Variants in UNC93A observed in about 807,000 individuals in gnomAD.
UNC93A encodes the protein unc-93 homolog A, also known as N-acetylglucosamine transporter UNC93A.
In UNC93A, 43 loss-of-function variants were observed where a neutral mutation model predicts 47.5. The observed-to-expected ratio is 0.91, with a 90% CI of 0.71 to 1.17. UNC93A has a LOEUF of 1.17. Among genes scored for constraint, UNC93A ranks in the 50% most tolerant of loss-of-function variants. The pLI is 0.00. For missense variants in UNC93A, 605 were observed against 577.6 expected, an observed-to-expected ratio of 1.05 and a Z score of -0.49; for synonymous variants, 280 against 258.0, an observed-to-expected ratio of 1.09 and a Z score of -0.82.
In UNC93A at chr6:167,315,329, C is replaced by T. The variant is rs539006420; in HGVS notation, c.1251C>T (p.Val417=). 33 of 1,613,908 alleles carry T rather than the reference C, an allele frequency of 2.0e-5. No individual in the cohort carries two copies. The South Asian group carries it at 3.1e-4, about 15-fold the overall frequency. Residue 417 remains valine, a synonymous_variant, in exon 8 of 8, where the codon GTC becomes GTT. Coordinates refer to ENST00000230256, the MANE Select transcript of UNC93A (RefSeq NM_018974.4). Reference sequence around the variant, plus strand: ...TCAAGCTCTACATTCTGCTGGGGGTCCTGAGCCTGACCATGGTGGCGTATG... The same window carrying T: ...TCAAGCTCTACATTCTGCTGGGGGTTCTGAGCCTGACCATGGTGGCGTATG... The part of the protein sequence containing the change: ...VHVKLYILLG[V]LSLTMVAYGL...
chr6:167,306,578 A>G (rs1211004319), intron 6 of UNC93A, among the ~76,000 whole-genome samples: 6 of 152,202 alleles, frequency 3.9e-5, no homozygotes, highest in African/African-American at 1.4e-4. Context: ...GAATGCAGGC[A>G]CTACGAAAAA....
In UNC93A at chr6:167,296,257, C is replaced by A. The variant is rs180784882; in HGVS notation, c.495C>A (p.Ser165Arg). 21 of 1,614,154 alleles carry A rather than the reference C, an allele frequency of 1.3e-5. 1 individual carries two copies. In the East Asian group the frequency reaches 4.0e-4, roughly 31 times the overall value. Residue 165 changes from serine to arginine, a missense_variant, in exon 3 of 8, where the codon AGC becomes AGA. Ser to Arg is a moderately radical substitution (Grantham distance 110). Transcript: ENST00000230256. Reference protein sequence around the residue: ...ISSLVFGQTPSQETLPEEQLT... With the variant: ...ISSLVFGQTPRQETLPEEQLT... ...CGCTGGTATTTGGCCAGACTCCCAGCCAAGGTAAAAGGAAAAGGGGCAAGC... is the reference window on the plus strand; with the variant it reads ...CGCTGGTATTTGGCCAGACTCCCAGACAAGGTAAAAGGAAAAGGGGCAAGC...
rs1262386963 is a variant in UNC93A, at chr6:167,306,035, G to A, written c.961G>A (p.Val321Met). ...GGTCTCGCAGTACACGGGCAGGGCTGTGCTGTACGTGCTGGGTAGGTATCA... is the reference window on the plus strand; with the variant it reads ...GGTCTCGCAGTACACGGGCAGGGCTATGCTGTACGTGCTGGGTAGGTATCA... ...GKVSQYTGRA[V>M]LYVLGAVTHV... Residue 321 changes from valine to methionine, a missense_variant, in exon 6 of 8, where the codon GTG becomes ATG. Coordinates refer to ENST00000230256, the MANE Select transcript of UNC93A (RefSeq NM_018974.4). 1 of 1,614,198 alleles carries A rather than the reference G, an allele frequency of 6.2e-7. No homozygotes were observed. The highest frequency in any genetic ancestry group is 2.2e-5 in the East Asian group (1 of 44,884).
rs745440894 is a variant in UNC93A, at chr6:167,315,171, G to A, written c.1109-16G>A. 8 of 1,612,874 alleles carry A rather than the reference G, an allele frequency of 5.0e-6. No individual in the cohort carries two copies. The highest frequency in any genetic ancestry group is 4.0e-5 in the African/African-American group (3 of 74,882). Reference sequence around the variant, plus strand: ...GGGCCCATGGCAGAGCTCTCACTCCGCTCTCTCCTCTGCAGCTCTCTACGG... The same window carrying A: ...GGGCCCATGGCAGAGCTCTCACTCCACTCTCTCCTCTGCAGCTCTCTACGG... On this transcript the variant is annotated splice_polypyrimidine_tract_variant and intron_variant, in intron 7 of 7. Coordinates refer to ENST00000230256, the MANE Select transcript of UNC93A (RefSeq NM_018974.4).
At chr6:167,295,605 C>A (rs1778052759) in intron 2 of UNC93A, among the ~76,000 whole-genome samples, 1 of 108,504 alleles carries the variant, frequency 9.2e-6, no homozygotes. Flanking sequence ...TCGCCTCCCT[C>A]GTGCTCCTCG....
chr6:167,278,148 A>G (rs537577884), intron 1 of UNC93A, among the ~76,000 whole-genome samples: 1 of 152,340 alleles, frequency 6.6e-6, no homozygotes, highest in Non-Finnish European at 1.5e-5. Context: ...GGCTACCACA[A>G]AGGAAAAAGG....
chr6:167,280,587 AG>A, intron 1 of UNC93A, among the ~76,000 whole-genome samples: 3 of 152,154 alleles, frequency 2.0e-5, no homozygotes, highest in African/African-American at 7.2e-5. Flanking sequence ...TTAGAGAGTC[AG>A]ACAGAGAGCC....
intron 5 of UNC93A, 58 bp downstream of exon 5, chr6:167,304,191 T>A: frequency 6.3e-7 from 1 of 1,589,412 alleles, no homozygotes; most frequent in Non-Finnish European, 8.6e-7. Context: ...CTGCCTTGCC[T>A]GTGTCTGTAC....
chr6:167,309,524 AC>A (rs1778498140), intron 7 of UNC93A, among the ~76,000 whole-genome samples: 1 of 151,938 alleles, frequency 6.6e-6, no homozygotes, highest in Non-Finnish European at 1.5e-5. Flanking sequence ...CTCACATGAG[AC>A]CCTCTTCCCT....
At chr6:167,280,103 T>C (rs1831493) in intron 1 of UNC93A, among the ~76,000 whole-genome samples, 29,680 of 152,156 alleles carry the variant, frequency 0.2, 2,982 homozygotes, top group African/African-American at 0.21. Flanking sequence ...TATTGATAAG[T>C]ATTAGTTTGA....
chr6:167,295,312 C>G (rs1778027920), intron 2 of UNC93A, among the ~76,000 whole-genome samples: 1 of 152,242 alleles, frequency 6.6e-6, no homozygotes, highest in African/African-American at 2.4e-5. Flanking sequence ...GCTGCAGAGT[C>G]TTACATGGCA....
rs1196603340 is a variant in UNC93A, at chr6:167,296,393, G to C, written c.499+132G>C. 3 of 945,848 alleles carry C rather than the reference G, an allele frequency of 3.2e-6. No individual in the cohort carries two copies. In the East Asian group the frequency reaches 7.6e-5, roughly 24 times the overall value. 58.6% of individuals were successfully genotyped at this position (945,848 alleles called of 1,614,324 possible). A position where few individuals can be genotyped will look rare whatever the true frequency, so the allele number is the denominator to read the frequency against. ...TGAGCAGGTGAGTCAGGCCCCACAG[G>C]TGAGATTCTCAACCTGCCTGTGCTT... On this transcript the variant is annotated intron_variant, in intron 3 of 7. Coordinates refer to ENST00000230256, the MANE Select transcript of UNC93A (RefSeq NM_018974.4).
chr6:167,281,054 G>C (rs539893587), intron 1 of UNC93A, among the ~76,000 whole-genome samples: 1 of 152,098 alleles, frequency 6.6e-6, no homozygotes, highest in Non-Finnish European at 1.5e-5. Context: ...TGCCCAGAAG[G>C]ATGTCCCACC....
Position 167,315,216 on chromosome 6 carries a change from A to C in UNC93A, c.1138A>C (p.Lys380Gln), listed in dbSNP as rs1294124189. ...ALYGVLFEKS[K>Q]EAAFANYRLW... Reference sequence around the variant, plus strand: ...CTACGGCGTTCTGTTTGAGAAGAGCAAGGAAGCTGCCTTCGCCAATTACCG... The same window carrying C: ...CTACGGCGTTCTGTTTGAGAAGAGCCAGGAAGCTGCCTTCGCCAATTACCG... Residue 380 changes from lysine to glutamine, a missense_variant, in exon 8 of 8, where the codon AAG becomes CAG. Transcript: ENST00000230256. 6.2e-7 allele frequency: 1 copy of C among 1,613,736 alleles called. No individual in the cohort carries two copies. Among genetic ancestry groups the C allele is most frequent in the Non-Finnish European group, 8.5e-7 (1 of 1,179,878 alleles).
intron 1 of UNC93A, among the ~76,000 whole-genome samples, chr6:167,271,982 T>A (rs185207054): frequency 6.6e-6 from 1 of 152,338 alleles, no homozygotes; most frequent in Admixed American, 6.5e-5. Context: ...GTCTCCAGGC[T>A]GATAAGGCCT....
At chr6:167,295,960 G>T in intron 2 of UNC93A, 72 bp from the exon 3 acceptor site, 1 of 1,432,194 alleles carries the variant, frequency 7.0e-7, no homozygotes, top group South Asian at 1.2e-5. Context: ...ATTGACTAAA[G>T]AACTGCAGGG....
chr6:167,310,248 T>G (rs1371057592), intron 7 of UNC93A, among the ~76,000 whole-genome samples: 2 of 152,292 alleles, frequency 1.3e-5, no homozygotes, highest in African/African-American at 4.8e-5. Context: ...ATTTACACAT[T>G]AAATGAAAAG....
At chr6:167,292,106 C>T (rs2115111265) in intron 1 of UNC93A, among the ~76,000 whole-genome samples, 1 of 152,304 alleles carries the variant, frequency 6.6e-6, no homozygotes, top group South Asian at 2.1e-4. Flanking sequence ...ACGGCATTCT[C>T]CGAAAGGCTG....
intron 7 of UNC93A, among the ~76,000 whole-genome samples, chr6:167,308,616 G>C (rs1778469308): frequency 6.6e-6 from 1 of 151,944 alleles, no homozygotes; most frequent in South Asian, 2.1e-4. Flanking sequence ...GCCTTGCTGG[G>C]GCTGGGGCCC....
Sources: allele counts gnomAD v4.1 joint callset (sites outside exome capture counted in the v4.1 genomes callset), GRCh38; gene constraint gnomAD v4.1.1; transcripts MANE v1.5; gene names NCBI Gene and HGNC (gene_info 2026-07-23, HGNC 2026-07-21).